The following PPP2R2B variants were observed in gnomAD, a reference collection of about 807,000 sequenced individuals.
PPP2R2B encodes serine/threonine-protein phosphatase 2A 55 kDa regulatory subunit B beta isoform.
PPP2R2B carries 5 observed loss-of-function variants against 46.0 expected under a neutral mutation model. That is an observed-to-expected ratio of 0.11 (90% CI 0.06 to 0.23). The LOEUF (loss-of-function observed/expected upper bound fraction) is 0.23. Among genes scored for constraint, PPP2R2B ranks in the 10% least tolerant of loss-of-function variants. The pLI, the probability that PPP2R2B is intolerant of heterozygous loss-of-function variation, is 1.00. For synonymous variants in PPP2R2B, 215 were observed against 206.7 expected, an observed-to-expected ratio of 1.04 and a Z score of -0.34; for missense variants, 367 against 575.0, an observed-to-expected ratio of 0.64 and a Z score of 3.70.
chr5:146,774,242 G>A (rs1347513997), intron 2 of PPP2R2B, among the ~76,000 whole-genome samples: 1 of 152,174 alleles, frequency 6.6e-6, no homozygotes, highest in African/African-American at 2.4e-5. Flanking sequence ...GATATAGGAA[G>A]CTATTTCACA....
At chr5:146,692,428 C>A (rs1270535978) in intron 4 of PPP2R2B, among the ~76,000 whole-genome samples, 1 of 152,108 alleles carries the variant, frequency 6.6e-6, no homozygotes, top group East Asian at 1.9e-4. Context: ...TGAGAACTCC[C>A]ATCCCTACAC....
intron 2 of PPP2R2B, among the ~76,000 whole-genome samples, chr5:146,831,445 C>T (rs929404898): frequency 2.9e-5 from 4 of 138,354 alleles, no homozygotes; most frequent in South Asian, 2.4e-4. Flanking sequence ...TGCAGTGAGC[C>T]GAGATTGCGG....
chr5:146,930,177 A>T (rs1763921649), intron 1 of PPP2R2B, among the ~76,000 whole-genome samples: 1 of 152,144 alleles, frequency 6.6e-6, no homozygotes, highest in Non-Finnish European at 1.5e-5. Context: ...ATAGTCCAGA[A>T]GGATTTTCAG....
At chr5:146,905,243 A>C (rs1467342229) in intron 1 of PPP2R2B, among the ~76,000 whole-genome samples, 1 of 152,186 alleles carries the variant, frequency 6.6e-6, no homozygotes, top group Non-Finnish European at 1.5e-5. Flanking sequence ...CCCCTATAAA[A>C]TTAAACACAC....
At chr5:146,748,723 T>C (rs1034288420) in intron 2 of PPP2R2B, among the ~76,000 whole-genome samples, 3 of 152,246 alleles carry the variant, frequency 2.0e-5, no homozygotes, top group Admixed American at 6.5e-5. Flanking sequence ...TCCTTTTTAA[T>C]TGCTGAATAG....
intron 2 of PPP2R2B, among the ~76,000 whole-genome samples, chr5:146,822,777 T>C (rs1758349352): frequency 6.6e-6 from 1 of 152,154 alleles, no homozygotes; most frequent in South Asian, 2.1e-4. Context: ...GATTGATACA[T>C]AGTAGATATT....
At chr5:146,998,950 C>T (rs1205816885) in intron 1 of PPP2R2B, among the ~76,000 whole-genome samples, 1 of 136,308 alleles carries the variant, frequency 7.3e-6, no homozygotes, top group Non-Finnish European at 1.5e-5. Context: ...GGAGGCGGAG[C>T]TTGCAGTGAG....
chr5:146,908,575 T>G (rs1045742082), intron 1 of PPP2R2B, among the ~76,000 whole-genome samples: 1 of 151,126 alleles, frequency 6.6e-6, no homozygotes, highest in African/African-American at 2.4e-5. Flanking sequence ...ACTGAGACAC[T>G]AAGGGCTCCA....
rs377072298 is a variant in PPP2R2B, at chr5:146,980,128, T to A, written c.79+75537A>T. On this transcript the variant is annotated intron_variant, in intron 1 of 8. Coordinates refer to the PPP2R2B transcript ENST00000336640. ...GAGAGATGCCAATGATATATTTTTA[T>A]GAAAAAAAGAAATTCAGAACAGTAT... Among the ~76,000 whole-genome samples the A allele has an allele frequency of 5.3e-5, 8 of 152,266 alleles. No homozygotes were observed. In the East Asian group the frequency reaches 1.3e-3, roughly 26 times the overall value.
chr5:146,810,355 C>T (rs532696343), intron 2 of PPP2R2B, among the ~76,000 whole-genome samples: 2 of 152,194 alleles, frequency 1.3e-5, no homozygotes, highest in South Asian at 2.1e-4. Context: ...AGGAGTTTCC[C>T]GTTATAAAAC....
intron 2 of PPP2R2B, among the ~76,000 whole-genome samples, chr5:146,819,132 C>T (rs1400902955): frequency 2.6e-5 from 4 of 152,204 alleles, no homozygotes; most frequent in African/African-American, 7.2e-5. Context: ...TCAGGCCTTG[C>T]TCTGAATAAT....
At chr5:147,074,355 G>A (rs750492303) in intron 2 of PPP2R2B, among the ~76,000 whole-genome samples, 13 of 152,182 alleles carry the variant, frequency 8.5e-5, no homozygotes, top group Non-Finnish European at 1.6e-4. Flanking sequence ...CCTGAAATGG[G>A]AATTCTTTTC....
rs1163917710 is a variant in PPP2R2B, at chr5:146,590,400, T to G, written c.1053-174A>C. 7.7e-5 allele frequency among the ~76,000 whole-genome samples: 11 copies of G among 142,976 alleles called. No individual in the cohort carries two copies. In the South Asian group the frequency reaches 9.3e-4, roughly 12 times the overall value. 93.8% of individuals were successfully genotyped at this position (142,976 alleles called of 152,430 possible). ...TTGGCTTTTTGTTTTTTTTTTGTGT[T>G]TTTTTTTTTTTTTTTTGAATCACTG... On this transcript the variant is annotated intron_variant, in intron 9 of 9. Transcript: ENST00000394411.
At position 146,894,632 on chromosome 5, in the gene PPP2R2B, G is replaced by A. The variant is rs376436233; in HGVS notation, c.79+161033C>T. The stretch of plus-strand genomic sequence containing the variant: ...TTTTTGTGTTTTTAGTAGAAACGGG[G>A]TCTTCCCATGTTGCCCAGGCTGGTC... On this transcript the variant is annotated intron_variant, in intron 1 of 8. Coordinates refer to the PPP2R2B transcript ENST00000336640. 3.2e-3 allele frequency among the ~76,000 whole-genome samples: 492 copies of A among 152,114 alleles called. 2 individuals are homozygous for A. The highest frequency in any genetic ancestry group is 0.011 in the African/African-American group (463 of 41,494).
chr5:147,058,017 T>C (rs1757143882), upstream of PPP2R2B, among the ~76,000 whole-genome samples: 1 of 152,182 alleles, frequency 6.6e-6, no homozygotes, highest in South Asian at 2.1e-4. Context: ...AATTACAGCA[T>C]ATTACTTTAT....
chr5:146,858,011 T>C (rs1760777998), intron 2 of PPP2R2B, among the ~76,000 whole-genome samples: 1 of 152,206 alleles, frequency 6.6e-6, no homozygotes, highest in African/African-American at 2.4e-5. Flanking sequence ...TTAATAAAAA[T>C]ACAGCTTAAC....
intron 1 of PPP2R2B, among the ~76,000 whole-genome samples, chr5:147,027,508 C>T (rs1353714691): frequency 6.6e-6 from 1 of 151,932 alleles, no homozygotes; most frequent in Non-Finnish European, 1.5e-5. Context: ...TGGCATGTGC[C>T]TGCAATCCCA....
chr5:146,675,111 G>A lies in PPP2R2B; in HGVS notation c.447+16017C>T, dbSNP rs1360503227. ...CAAGTAGCTGGGATTACAGGCATGC[G>A]CCACCACACCCAGCTAATTTTTGTA... On this transcript the variant is annotated intron_variant, in intron 5 of 9. Coordinates refer to ENST00000394411, the MANE Select transcript of PPP2R2B (RefSeq NM_181675.4). Among the ~76,000 whole-genome samples the A allele has an allele frequency of 4.6e-5, 7 of 152,092 alleles. No homozygotes were observed. The South Asian group carries it at 6.2e-4, about 14-fold the overall frequency.
chr5:146,989,892 T>C (rs960444390), intron 1 of PPP2R2B, among the ~76,000 whole-genome samples: 1 of 151,782 alleles, frequency 6.6e-6, no homozygotes, highest in African/African-American at 2.4e-5. Context: ...TAACTGAGTA[T>C]AGTAAAGTTG....
Sources: gnomAD v4.1 joint callset for allele counts (sites outside exome capture counted in the v4.1 genomes callset) on GRCh38, gnomAD v4.1.1 for gene constraint, MANE v1.5 for transcripts, NCBI Gene and HGNC (gene_info 2026-07-23, HGNC 2026-07-21) for gene names.